The following THSD7B variants were observed in gnomAD, a reference collection of about 807,000 sequenced individuals.
THSD7B encodes thrombospondin type-1 domain-containing protein 7B.
THSD7B carries 138 observed loss-of-function variants against 213.6 expected under a neutral mutation model. The observed-to-expected ratio is 0.65, with a 90% confidence interval of 0.56 to 0.74. The LOEUF is 0.74. Ranked by LOEUF, THSD7B falls within the 30% of genes least tolerant of loss-of-function variation. The probability of loss-of-function intolerance (pLI) is 0.00; values close to 1 mark genes in which losing one functional copy is unlikely to be tolerated. For missense variants in THSD7B, 1,931 were observed against 1,991.5 expected (o/e 0.97, Z 0.58); for synonymous variants, 742 against 687.0 (o/e 1.08, Z -1.25).
At chr2:137,312,474 T>C (rs1372341032) in intron 12 of THSD7B, among the ~76,000 whole-genome samples, 16 of 148,450 alleles carry the variant, frequency 1.1e-4, no homozygotes, top group South Asian at 4.2e-4. Flanking sequence ...GATTCGTTAA[T>C]TTTTTGAAGG....
At chr2:136,822,525 A>C (rs1402960715) in intron 1 of THSD7B, among the ~76,000 whole-genome samples, 1 of 152,208 alleles carries the variant, frequency 6.6e-6, no homozygotes, top group East Asian at 1.9e-4. Context: ...TGAAACAGTC[A>C]TTATTTTCCC....
At chr2:137,638,218 T>A (rs1682868935) in intron 20 of THSD7B, among the ~76,000 whole-genome samples, 1 of 152,194 alleles carries the variant, frequency 6.6e-6, no homozygotes, top group South Asian at 2.1e-4. Context: ...AAACTTGAAT[T>A]GTATCTCCCA....
At chr2:136,837,914 AGGCATAGGACCT>A (rs1384051760) in intron 1 of THSD7B, among the ~76,000 whole-genome samples, 1 of 152,206 alleles carries the variant, frequency 6.6e-6, no homozygotes, top group African/African-American at 2.4e-5. Flanking sequence ...TAATGGGTTC[AGGCATAGGACCT>A]GGAAAGAGAC....
chr2:137,070,478 G>A (rs530540886), intron 3 of THSD7B, among the ~76,000 whole-genome samples: 1 of 151,898 alleles, frequency 6.6e-6, no homozygotes, highest in South Asian at 2.1e-4. Flanking sequence ...ATAGAAATGT[G>A]ATTGTTGGAT....
At chr2:136,932,308 G>A (rs1350531001) in intron 2 of THSD7B, among the ~76,000 whole-genome samples, 1 of 152,138 alleles carries the variant, frequency 6.6e-6, no homozygotes, top group African/African-American at 2.4e-5. Context: ...AAGGATAGAT[G>A]TGCAAATTAA....
chr2:137,123,973 A>G (rs769471578), intron 5 of THSD7B, among the ~76,000 whole-genome samples: 3 of 152,182 alleles, frequency 2.0e-5, no homozygotes, highest in Non-Finnish European at 4.4e-5. Flanking sequence ...TATTTCCTGA[A>G]CAAATGAATG....
At chr2:137,009,183 A>T (rs1166292825) in intron 2 of THSD7B, among the ~76,000 whole-genome samples, 2 of 152,136 alleles carry the variant, frequency 1.3e-5, no homozygotes, top group African/African-American at 2.4e-5. Context: ...CTCTTTCAGG[A>T]GTTGCTTTCC....
At chr2:136,981,959 C>T (rs115905288) in intron 2 of THSD7B, among the ~76,000 whole-genome samples, 1,651 of 152,324 alleles carry the variant, frequency 0.011, 28 homozygotes, top group African/African-American at 0.038. Context: ...GGAACCACTA[C>T]GCAGGAGGCA....
At chr2:136,832,393 G>T (rs150137937) in intron 1 of THSD7B, among the ~76,000 whole-genome samples, 1 of 152,250 alleles carries the variant, frequency 6.6e-6, no homozygotes, top group Non-Finnish European at 1.5e-5. Context: ...GACAGGAGAA[G>T]ACTGATGTCC....
At chr2:137,033,049 G>T (rs1426348129) in intron 2 of THSD7B, among the ~76,000 whole-genome samples, 1 of 152,144 alleles carries the variant, frequency 6.6e-6, no homozygotes, top group Non-Finnish European at 1.5e-5. Context: ...AATGATTCAA[G>T]TTCATTGTTA....
chr2:137,406,832 T>C (rs993497263), intron 13 of THSD7B, among the ~76,000 whole-genome samples: 1 of 152,154 alleles, frequency 6.6e-6, no homozygotes, highest in Non-Finnish European at 1.5e-5. Context: ...CCACAAAAAT[T>C]TGTGCCACAT....
chr2:137,480,692 T>C (rs1688286494), intron 15 of THSD7B, among the ~76,000 whole-genome samples: 1 of 152,250 alleles, frequency 6.6e-6, no homozygotes, highest in Non-Finnish European at 1.5e-5. Flanking sequence ...AATAAAGATT[T>C]TTCATTAGTG....
intron 24 of THSD7B, among the ~76,000 whole-genome samples, chr2:137,658,404 A>C (rs1683278897): frequency 6.6e-6 from 1 of 152,298 alleles, no homozygotes; most frequent in Non-Finnish European, 1.5e-5. Context: ...CTGATGAAGA[A>C]GCTCAGGTCA....
intron 1 of THSD7B, among the ~76,000 whole-genome samples, chr2:136,868,049 A>G (rs983012129): frequency 6.6e-6 from 1 of 151,994 alleles, no homozygotes; most frequent in African/African-American, 2.4e-5. Flanking sequence ...CTTCAAGACA[A>G]TTGCCTTCAG....
At chr2:137,636,694 A>T (rs914386466) in intron 20 of THSD7B, among the ~76,000 whole-genome samples, 1 of 152,054 alleles carries the variant, frequency 6.6e-6, no homozygotes, top group Non-Finnish European at 1.5e-5. Context: ...TTGTATTCTC[A>T]GTTTTATTTT....
intron 14 of THSD7B, among the ~76,000 whole-genome samples, chr2:137,444,614 A>G (rs1477226249): frequency 6.6e-6 from 1 of 152,042 alleles, no homozygotes; most frequent in Non-Finnish European, 1.5e-5. Context: ...ACCATTTACA[A>G]AAATCAAATC....
At chr2:137,308,758 T>C (rs1683818159) in intron 12 of THSD7B, among the ~76,000 whole-genome samples, 1 of 152,136 alleles carries the variant, frequency 6.6e-6, no homozygotes, top group Non-Finnish European at 1.5e-5. Flanking sequence ...CCACTATTTA[T>C]TTTGATATTT....
intron 8 of THSD7B, 114 bp downstream of exon 8, chr2:137,231,349 T>A: frequency 9.7e-7 from 1 of 1,026,142 alleles, no homozygotes; most frequent in South Asian, 1.8e-5. Flanking sequence ...AGACGATATC[T>A]CTATTCCCTG....
At chr2:137,414,318 G>T (rs760614579) in intron 14 of THSD7B, among the ~76,000 whole-genome samples, 11 of 151,934 alleles carry the variant, frequency 7.2e-5, no homozygotes, top group African/African-American at 1.7e-4. Context: ...ATACCTTATT[G>T]TGTCACTTCT....
Sources: gnomAD v4.1 joint callset for allele counts (sites outside exome capture counted in the v4.1 genomes callset) on GRCh38, gnomAD v4.1.1 for gene constraint, MANE v1.5 for transcripts, NCBI Gene and HGNC (gene_info 2026-07-23, HGNC 2026-07-21) for gene names.